SNX6: variants seen among roughly 807,000 people sequenced by gnomAD.
SNX6 encodes the protein sorting nexin-6.
Under a neutral mutation model 63.0 loss-of-function variants are expected in SNX6, and 34 were observed. That is an observed-to-expected ratio of 0.54 (90% CI 0.41 to 0.72). SNX6 has a LOEUF of 0.72. Ranked by LOEUF, SNX6 falls within the 30% of genes least tolerant of loss-of-function variation. The pLI, the probability that SNX6 is intolerant of heterozygous loss-of-function variation, is 0.00. For missense variants in SNX6, 398 were observed against 471.4 expected (o/e 0.84, Z 1.44); for synonymous variants, 170 against 164.2 (o/e 1.04, Z -0.27).
At chr14:34,628,685 C>T (rs1250028106) in intron 2 of SNX6, among the ~76,000 whole-genome samples, 1 of 152,140 alleles carries the variant, frequency 6.6e-6, no homozygotes, top group Non-Finnish European at 1.5e-5. Flanking sequence ...ATACTAACTA[C>T]CTCATCTGTT....
intron 6 of SNX6, among the ~76,000 whole-genome samples, chr14:34,599,488 T>A (rs1407758310): frequency 6.6e-6 from 1 of 151,508 alleles, no homozygotes; most frequent in Non-Finnish European, 1.5e-5. Flanking sequence ...CCGCCTATAA[T>A]CCCAGCTACT....
chr14:34,569,143 C>G lies in SNX6; in HGVS notation c.922-1130G>C, dbSNP rs1030490969. On this transcript the variant is annotated intron_variant, in intron 11 of 13. Coordinates refer to ENST00000362031, the MANE Select transcript of SNX6 (RefSeq NM_152233.4). ...AACTCCAGGCATCATGCGGCCCGGC[C>G]TGTGCACTGCCAGCCAGGGGAAAGG... is the stretch of plus-strand genomic sequence containing the variant. 5.0e-6 allele frequency: 4 copies of G among 801,814 alleles called. No individual in the cohort carries two copies. The African/African-American group carries it at 6.7e-5, about 13-fold the overall frequency. 49.7% of individuals were successfully genotyped at this position (801,814 alleles called of 1,614,324 possible). A position where few individuals can be genotyped will look rare whatever the true frequency, so the allele number is the denominator to read the frequency against.
intron 11 of SNX6, chr14:34,575,552 A>T: frequency 4.0e-6 from 1 of 248,280 alleles, no homozygotes; most frequent in Non-Finnish European, 8.0e-6. Context: ...AATAAAGAGG[A>T]AACTTTTATG....
intron 9 of SNX6, among the ~76,000 whole-genome samples, chr14:34,583,850 CTTTT>C (rs67586044): frequency 7.0e-6 from 1 of 142,816 alleles, no homozygotes; most frequent in Non-Finnish European, 1.5e-5. Flanking sequence ...GGGAAGGTGG[CTTTT>C]TTTTTTTTTT....
At chr14:34,629,790 A>C (rs1301820411) in intron 2 of SNX6, 117 bp downstream of exon 2, 2 of 1,449,020 alleles carry the variant, frequency 1.4e-6, no homozygotes, top group Non-Finnish European at 1.9e-6. Flanking sequence ...AACCGAAAGG[A>C]GGACTACGGG....
chr14:34,578,105 G>A (rs1284694194), intron 10 of SNX6, among the ~76,000 whole-genome samples: 6 of 152,106 alleles, frequency 3.9e-5, no homozygotes, highest in East Asian at 1.9e-4. Flanking sequence ...TTGGGAGGCT[G>A]AGGCATGAGA....
intron 2 of SNX6, among the ~76,000 whole-genome samples, chr14:34,624,228 G>A (rs1883737703): frequency 6.6e-6 from 1 of 152,052 alleles, no homozygotes; most frequent in African/African-American, 2.4e-5. Context: ...AGCCTCCCAA[G>A]TAGCTGGGAT....
At chr14:34,600,443 CTT>C (rs879769668) in intron 6 of SNX6, among the ~76,000 whole-genome samples, 3 of 138,694 alleles carry the variant, frequency 2.2e-5, no homozygotes, top group Admixed American at 7.2e-5. Context: ...TCTTCTTCTT[CTT>C]TTTTTTTTTT....
intron 5 of SNX6, chr14:34,604,163 G>T: frequency 1.6e-6 from 2 of 1,283,990 alleles, no homozygotes; most frequent in Non-Finnish European, 2.0e-6. Flanking sequence ...AATGATGGGA[G>T]AAGTTTGATC....
chr14:34,597,819 T>C (rs537895667), intron 6 of SNX6, among the ~76,000 whole-genome samples, 174 bp from the exon 7 acceptor site: 1 of 152,236 alleles, frequency 6.6e-6, no homozygotes, highest in South Asian at 2.1e-4. Flanking sequence ...AAAAAGGAGT[T>C]TGGTAATAAT....
At chr14:34,620,867 G>A (rs527320483) in intron 2 of SNX6, among the ~76,000 whole-genome samples, 7 of 152,166 alleles carry the variant, frequency 4.6e-5, no homozygotes, top group Admixed American at 1.3e-4. Flanking sequence ...GCTTAAATCC[G>A]GGAGGGAGAA....
At chr14:34,614,011 G>C (rs1883329396) in intron 2 of SNX6, among the ~76,000 whole-genome samples, 1 of 151,872 alleles carries the variant, frequency 6.6e-6, no homozygotes, top group Non-Finnish European at 1.5e-5. Context: ...GGGAGGCTGA[G>C]GCAGCAAACT....
chr14:34,611,107 C>A (rs924030120), intron 2 of SNX6, among the ~76,000 whole-genome samples: 8 of 152,164 alleles, frequency 5.3e-5, no homozygotes, highest in Non-Finnish European at 7.3e-5. Context: ...ATTCTCCCAC[C>A]TCAGCCTCCT....
rs1478451643 is a variant in SNX6, at chr14:34,562,209, C to T, written c.*913G>A. ...AATTGGCTGAGCTAGGCGCGGAATC[C>T]GGGAAACCACAACAGACTGTACTCT... On this transcript the variant is annotated 3_prime_UTR_variant, in exon 14 of 14. Transcript: ENST00000362031. 3 of 152,032 alleles carry T rather than the reference C, an allele frequency of 2.0e-5. No individual in the cohort carries two copies. Among genetic ancestry groups the T allele is most frequent in the Non-Finnish European group, 2.9e-5 (2 of 68,048 alleles). The allele number at this position is 152,032 out of a possible 1,614,324, so 9.4% of individuals were successfully genotyped here.
Position 34,630,144 on chromosome 14 carries a change from G to C in SNX6, c.-28C>G, listed in dbSNP as rs888599557. On this transcript the variant is annotated 5_prime_UTR_variant, in exon 1 of 14. Coordinates refer to ENST00000362031, the MANE Select transcript of SNX6 (RefSeq NM_152233.4). ...CTGCTCCGAGGCGAGGGCCGGCGCA[G>C]GCGCGCATCTCCCTGCTGCCGGAGG... is the stretch of plus-strand genomic sequence containing the variant. 1.5e-6 allele frequency: 2 copies of C among 1,304,804 alleles called. No homozygotes were observed. Among genetic ancestry groups the C allele is most frequent in the Non-Finnish European group, 1.9e-6 (2 of 1,032,154 alleles). The allele number at this position is 1,304,804 out of a possible 1,614,324, so 80.8% of individuals were successfully genotyped here.
intron 6 of SNX6, among the ~76,000 whole-genome samples, chr14:34,599,419 G>GCC (rs1566481354): frequency 2.0e-5 from 3 of 151,414 alleles, no homozygotes; most frequent in Admixed American, 2.0e-4. Context: ...TAGCCTTGAA[G>GCC]AACATGGTGA....
At chr14:34,622,263 G>A (rs1484060538) in intron 2 of SNX6, among the ~76,000 whole-genome samples, 1 of 150,288 alleles carries the variant, frequency 6.7e-6, no homozygotes, top group Non-Finnish European at 1.5e-5. Context: ...CACCCGGCCT[G>A]GGCATGTCTT....
rs911750816 is a variant in SNX6 at position 34,583,943 on chromosome 14, G to T, written c.794+2287C>A. Reference sequence around the variant, plus strand: ...GCTCACTGCAACCTCTGCCTCCCAGGTTCAAGCGATTCTCCTGCCTCAGCC... The same window carrying T: ...GCTCACTGCAACCTCTGCCTCCCAGTTTCAAGCGATTCTCCTGCCTCAGCC... On this transcript the variant is annotated intron_variant, in intron 9 of 13. Transcript: ENST00000362031. 2.0e-5 allele frequency among the ~76,000 whole-genome samples: 3 copies of T among 150,940 alleles called. No individual in the cohort carries two copies. In the Admixed American group the frequency reaches 2.0e-4, roughly 10 times the overall value.
intron 8 of SNX6, among the ~76,000 whole-genome samples, chr14:34,592,104 G>A (rs1362367876): frequency 6.6e-6 from 1 of 152,184 alleles, no homozygotes; most frequent in East Asian, 1.9e-4. Flanking sequence ...AAAATTGCAA[G>A]TGGCCAGGTG....
Sources: gnomAD v4.1 joint callset for allele counts (sites outside exome capture counted in the v4.1 genomes callset) on GRCh38, gnomAD v4.1.1 for gene constraint, MANE v1.5 for transcripts, NCBI Gene and HGNC (gene_info 2026-07-23, HGNC 2026-07-21) for gene names.